MTG1: variants seen among roughly 807,000 people sequenced by gnomAD.
MTG1 encodes mitochondrial ribosome associated GTPase 1, also known as mitochondrial ribosome-associated GTPase 1.
MTG1 carries 30 observed loss-of-function variants against 39.5 expected under a neutral mutation model. The observed-to-expected ratio is 0.76, with a 90% CI of 0.57 to 1.03. The LOEUF is 1.03. MTG1 is among the 50% of genes least tolerant of loss of function. MTG1 has a pLI of 0.00. For synonymous variants in MTG1, 217 were observed against 179.0 expected (o/e 1.21, Z -1.69); for missense variants, 513 against 447.4 (o/e 1.15, Z -1.32).
chr10:133,397,025 T>G (rs994805285), intron 3 of MTG1, among the ~76,000 whole-genome samples: 4 of 152,186 alleles, frequency 2.6e-5, no homozygotes, highest in Non-Finnish European at 4.4e-5. Flanking sequence ...CCACCTCTTG[T>G]GGAGGACCTG....
At position 133,399,583 on chromosome 10, in the gene MTG1, CTCA is replaced by C. The variant is rs1310935160; in HGVS notation, c.479_481del (p.Ile160del). ...GGTCCCCAACGTGGGCAAGTCCTCC[CTCA>C]TCAACTCCCTCCGGAGGCAGCACCT... On this transcript the variant is annotated inframe_deletion, in exon 6 of 11. Coordinates refer to ENST00000317502, the MANE Select transcript of MTG1 (RefSeq NM_138384.4). The C allele has an allele frequency of 1.9e-6, 3 of 1,614,198 alleles. No individual in the cohort carries two copies. The highest frequency in any genetic ancestry group is 1.6e-4 in the Middle Eastern group (1 of 6,062).
intron 1 of MTG1, chr10:133,394,619 C>T (rs1236656876): frequency 8.7e-6 from 11 of 1,270,322 alleles, no homozygotes; most frequent in Non-Finnish European, 1.1e-5. Context: ...CCCCTGTCCT[C>T]TGTTCCCAGC....
intron 9 of MTG1, among the ~76,000 whole-genome samples, chr10:133,414,874 C>G (rs1437263507): frequency 6.6e-6 from 1 of 152,244 alleles, no homozygotes; most frequent in Non-Finnish European, 1.5e-5. Flanking sequence ...AGCCTGGGCA[C>G]CATTGAGCAC....
In MTG1 at chr10:133,395,607, T is replaced by G. The variant is rs1849770423; in HGVS notation, c.113-106T>G. The G allele has an allele frequency of 1.3e-5, 14 of 1,083,574 alleles. 1 individual carries two copies. The highest frequency in any genetic ancestry group is 1.9e-5 in the Non-Finnish European group (14 of 720,428). The allele number at this position is 1,083,574 out of a possible 1,614,324, so 67.1% of individuals were successfully genotyped here. A position where few individuals can be genotyped will look rare whatever the true frequency, so the allele number is the denominator to read the frequency against. On this transcript the variant is annotated intron_variant, in intron 1 of 10. Transcript: ENST00000317502. The stretch of plus-strand genomic sequence containing the variant: ...TAGTACGCTTCCCTCAGATATAGTC[T>G]TTTTAGGTTATTTATGGTGGCGTGT...
In MTG1 at chr10:133,402,321, A is replaced by G; in HGVS notation, c.670+76A>G. The G allele has an allele frequency of 1.3e-6, 2 of 1,559,298 alleles. No homozygotes were observed. Among genetic ancestry groups the G allele is most frequent in the Non-Finnish European group, 1.8e-6 (2 of 1,135,268 alleles). The stretch of plus-strand genomic sequence containing the variant: ...CCCCACCTTTAGGGCTGGCTTTGGC[A>G]CAGGGCCCCTAGACGGGAGTTGTTA... On this transcript the variant is annotated intron_variant, in intron 8 of 10. Coordinates refer to ENST00000317502, the MANE Select transcript of MTG1 (RefSeq NM_138384.4). The surrounding 1 kb of genome is among the most constrained non-coding windows in gnomAD (Gnocchi z 4.7).
intron 9 of MTG1, among the ~76,000 whole-genome samples, chr10:133,405,361 A>T (rs1032317689): frequency 6.6e-6 from 1 of 152,202 alleles, no homozygotes; most frequent in African/African-American, 2.4e-5. Context: ...GGTAATTGGG[A>T]TATCCATCAT....
intron 3 of MTG1, among the ~76,000 whole-genome samples, chr10:133,398,169 A>G (rs1589909120): frequency 6.6e-6 from 1 of 152,354 alleles, no homozygotes; most frequent in East Asian, 1.9e-4. Context: ...TTTAGGTCAG[A>G]TGATTAACAG....
chr10:133,415,462 G>A (rs1468531443), intron 9 of MTG1, among the ~76,000 whole-genome samples: 1 of 152,064 alleles, frequency 6.6e-6, no homozygotes, highest in Non-Finnish European at 1.5e-5. Context: ...GGGTTTTTTA[G>A]TGCTTGAGAG....
rs905452862 is a variant in MTG1 at position 133,402,649 on chromosome 10, A to G, written c.671-43A>G. On this transcript the variant is annotated intron_variant, in intron 8 of 10. Transcript: ENST00000317502. The surrounding 1 kb of genome is among the most constrained non-coding windows in gnomAD (Gnocchi z 4.7). ...GTGTTTGAACTTGGCAGGAACATAGATGTGGCTGTTTCCAGTGCTCACCTC... is the reference window on the plus strand; with the variant it reads ...GTGTTTGAACTTGGCAGGAACATAGGTGTGGCTGTTTCCAGTGCTCACCTC... 1.3e-6 allele frequency: 2 copies of G among 1,532,538 alleles called. No homozygotes were observed. The highest frequency in any genetic ancestry group is 2.7e-5 in the African/African-American group (2 of 73,232). 94.9% of individuals were successfully genotyped at this position (1,532,538 alleles called of 1,614,324 possible).
intron 9 of MTG1, among the ~76,000 whole-genome samples, chr10:133,404,360 C>T (rs1220651292): frequency 6.6e-6 from 1 of 152,036 alleles, no homozygotes; most frequent in African/African-American, 2.4e-5. Flanking sequence ...CTCCTGGGCT[C>T]AAGGGATCTG....
At chr10:133,416,133 G>A (rs1039706493) in intron 9 of MTG1, among the ~76,000 whole-genome samples, 7 of 151,490 alleles carry the variant, frequency 4.6e-5, no homozygotes, top group African/African-American at 7.3e-5. Context: ...CTGTGTCTTC[G>A]GGTTCACTCA....
chr10:133,419,100 C>T (rs1850182836), intron 9 of MTG1, among the ~76,000 whole-genome samples: 1 of 152,250 alleles, frequency 6.6e-6, no homozygotes. Context: ...CTGTGCTCCT[C>T]TTTTAGTTTC....
intron 9 of MTG1, among the ~76,000 whole-genome samples, chr10:133,405,303 A>T (rs1202280291): frequency 6.6e-6 from 1 of 152,224 alleles, no homozygotes; most frequent in Non-Finnish European, 1.5e-5. Flanking sequence ...TTTTCAGGGT[A>T]CCTATGATAT....
In MTG1 at chr10:133,419,573, G is replaced by T. The variant is rs767576574; in HGVS notation, c.846G>T (p.Val282=). ...TGAAGCTGGGGAAGACGCAGAAGGT[G>T]AAGGTGCTCACGGGCACGGGTGAGT... ...VAVKLGKTQK[V]KVLTGTGNVN... Residue 282 remains valine, a synonymous_variant, in exon 10 of 11, where the codon GTG becomes GTT. Transcript: ENST00000317502. The T allele has an allele frequency of 8.1e-6, 13 of 1,607,352 alleles. No homozygotes were observed. The South Asian group carries it at 1.4e-4, about 18-fold the overall frequency.
chr10:133,405,916 T>C (rs1849963605), intron 9 of MTG1, among the ~76,000 whole-genome samples: 1 of 152,230 alleles, frequency 6.6e-6, no homozygotes, highest in South Asian at 2.1e-4. Context: ...TCCATACTGT[T>C]TTCCATAGTA....
In MTG1 at chr10:133,402,475, A is replaced by T; in HGVS notation, c.671-217A>T. On this transcript the variant is annotated intron_variant, in intron 8 of 10. Transcript: ENST00000317502. The surrounding 1 kb of genome is among the most constrained non-coding windows in gnomAD (Gnocchi z 4.7). ...GAGTGGCCTTCCCTTTCCCCATTTG[A>T]CGGACCAGGGCAGAGAGGTTGGTCG... 1 of 690,754 alleles carries T rather than the reference A, an allele frequency of 1.4e-6. No individual in the cohort carries two copies. 42.8% of individuals were successfully genotyped at this position (690,754 alleles called of 1,614,324 possible).
chr10:133,396,397 C>T, intron 3 of MTG1, 130 bp downstream of exon 3: 2 of 776,854 alleles, frequency 2.6e-6, no homozygotes, highest in Non-Finnish European at 4.3e-6. Context: ...AGAAACAGCC[C>T]TTTGCTTTGC....
rs1244912842 is a variant in MTG1 at position 133,407,740 on chromosome 10, T to G, written c.752+4967T>G. Reference sequence around the variant, plus strand: ...TGTGCCACCACGCCTGGCTCATTTTTTATAATTTTAGTAGAGATGGGGTTT... The same window carrying G: ...TGTGCCACCACGCCTGGCTCATTTTGTATAATTTTAGTAGAGATGGGGTTT... On this transcript the variant is annotated intron_variant, in intron 9 of 10. Coordinates refer to ENST00000317502, the MANE Select transcript of MTG1 (RefSeq NM_138384.4). Among the ~76,000 whole-genome samples, 6 of 151,728 alleles carry G rather than the reference T, an allele frequency of 4.0e-5. No individual in the cohort carries two copies. In the East Asian group the frequency reaches 1.2e-3, roughly 29 times the overall value.
rs1055798197 is a variant in MTG1 at position 133,422,487 on chromosome 10, T to A, written c.*2322T>A. The A allele has an allele frequency of 2.0e-5, 3 of 152,254 alleles. No individual in the cohort carries two copies. The highest frequency in any genetic ancestry group is 4.4e-5 in the Non-Finnish European group (3 of 68,122). 9.4% of individuals were successfully genotyped at this position (152,254 alleles called of 1,614,324 possible). A position where few individuals can be genotyped will look rare whatever the true frequency, so the allele number is the denominator to read the frequency against. Reference sequence around the variant, plus strand: ...ATGTGTTGGTTTTTCCCCCCCAAAATGGGTCCTAAGGAGGGTAAAGTGACT... The same window carrying A: ...ATGTGTTGGTTTTTCCCCCCCAAAAAGGGTCCTAAGGAGGGTAAAGTGACT... On this transcript the variant is annotated 3_prime_UTR_variant, in exon 11 of 11. Transcript: ENST00000317502.
Sources: allele counts gnomAD v4.1 joint callset (sites outside exome capture counted in the v4.1 genomes callset), GRCh38; gene constraint gnomAD v4.1.1; non-coding constraint Gnocchi (gnomAD v3.1); transcripts MANE v1.5; gene names NCBI Gene and HGNC (gene_info 2026-07-23, HGNC 2026-07-21).